MICU2: variants seen among roughly 807,000 people sequenced by gnomAD.
MICU2 encodes the protein mitochondrial calcium uptake 2.
In MICU2, 64 loss-of-function variants were observed where a neutral mutation model predicts 60.4. The ratio of observed to expected loss-of-function variants is 1.06; its 90% CI spans 0.87 to 1.31. The LOEUF is 1.31. MICU2 is among the 50% of genes most tolerant of loss of function. The probability of loss-of-function intolerance (pLI) is 0.00; values close to 1 mark genes in which losing one functional copy is unlikely to be tolerated. For synonymous variants in MICU2, 201 were observed against 175.0 expected (o/e 1.15, Z -1.17); for missense variants, 569 against 531.0 (o/e 1.07, Z -0.70).
intron 1 of MICU2, 86 bp downstream of exon 1, chr13:21,603,853 C>G (rs1401729576): frequency 2.1e-6 from 3 of 1,448,364 alleles, no homozygotes; most frequent in East Asian, 2.5e-5. Context: ...CCGGGAGAGC[C>G]GCCCAGAGCC....
intron 2 of MICU2, chr13:21,551,429 T>A (rs1416793589): frequency 2.0e-5 from 3 of 152,176 alleles, no homozygotes; most frequent in Non-Finnish European, 4.4e-5. Flanking sequence ...CTTTTTAAAA[T>A]TATTTTATTT....
At chr13:21,510,826 A>C (rs867303809) in intron 7 of MICU2, among the ~76,000 whole-genome samples, 14 of 146,726 alleles carry the variant, frequency 9.5e-5, no homozygotes, top group African/African-American at 3.8e-4. Flanking sequence ...GAATTCATTT[A>C]ATTCATTCAT....
intron 1 of MICU2, chr13:21,602,749 C>T (rs1342950426): frequency 6.6e-6 from 1 of 152,056 alleles, no homozygotes; most frequent in African/African-American, 2.4e-5. Flanking sequence ...CTCACAAGGC[C>T]TTCTTTCCTC....
At chr13:21,518,742 C>G (rs1685709803) in intron 6 of MICU2, among the ~76,000 whole-genome samples, 1 of 152,206 alleles carries the variant, frequency 6.6e-6, no homozygotes, top group Non-Finnish European at 1.5e-5. Context: ...TTTCTTGTCC[C>G]TGAGGTAAAG....
chr13:21,521,921 G>C (rs1307322215), intron 5 of MICU2, among the ~76,000 whole-genome samples: 2 of 152,116 alleles, frequency 1.3e-5, no homozygotes, highest in Non-Finnish European at 2.9e-5. Flanking sequence ...GCGACTACAG[G>C]TGTGCACCAC....
intron 2 of MICU2, among the ~76,000 whole-genome samples, chr13:21,546,788 T>G (rs1324215261): frequency 6.6e-6 from 1 of 152,130 alleles, no homozygotes; most frequent in Non-Finnish European, 1.5e-5. Context: ...GCATGATACA[T>G]CTGAGATTGC....
intron 1 of MICU2, among the ~76,000 whole-genome samples, chr13:21,601,090 C>A (rs1405023236): frequency 6.6e-6 from 1 of 152,120 alleles, no homozygotes; most frequent in African/African-American, 2.4e-5. Context: ...GCCACCAGGC[C>A]CGGCCGGACA....
intron 5 of MICU2, 108 bp downstream of exon 5, chr13:21,522,495 T>C (rs2138167286): frequency 3.8e-6 from 3 of 789,402 alleles, no homozygotes; most frequent in South Asian, 3.8e-5. Flanking sequence ...AACTAAGGCA[T>C]CAATAATGTT....
At chr13:21,599,068 C>G (rs1272597064) in intron 1 of MICU2, among the ~76,000 whole-genome samples, 1 of 152,198 alleles carries the variant, frequency 6.6e-6, no homozygotes, top group Admixed American at 6.5e-5. Context: ...CTATGAGAAT[C>G]TAACTAATGC....
intron 9 of MICU2, among the ~76,000 whole-genome samples, chr13:21,497,953 C>G (rs2138129632): frequency 6.6e-6 from 1 of 152,188 alleles, no homozygotes; most frequent in Middle Eastern, 3.4e-3. Context: ...CGAGATCTCG[C>G]TATGTTTCTC....
At chr13:21,539,636 C>T in intron 3 of MICU2, 21 bp downstream of exon 3, 4 of 1,613,948 alleles carry the variant, frequency 2.5e-6, no homozygotes, top group Non-Finnish European at 3.4e-6. Flanking sequence ...CAAACCCTGC[C>T]CCCCACAACA....
At chr13:21,570,169 T>C (rs1488933337) in intron 1 of MICU2, among the ~76,000 whole-genome samples, 2 of 152,208 alleles carry the variant, frequency 1.3e-5, no homozygotes, top group Non-Finnish European at 2.9e-5. Context: ...GCACTGAATG[T>C]GTTTCTTTGC....
intron 1 of MICU2, among the ~76,000 whole-genome samples, chr13:21,571,211 T>C (rs1392576801): frequency 1.3e-5 from 2 of 152,188 alleles, no homozygotes; most frequent in Non-Finnish European, 2.9e-5. Context: ...CGTGGTAGGT[T>C]AGGCTTGGTA....
chr13:21,510,522 T>C (rs1886400555), intron 7 of MICU2, among the ~76,000 whole-genome samples: 2 of 152,262 alleles, frequency 1.3e-5, no homozygotes, highest in South Asian at 4.1e-4. Context: ...CTTTTCCTAA[T>C]TATAAAATCA....
At chr13:21,552,444 T>C (rs1438064979) in intron 2 of MICU2, among the ~76,000 whole-genome samples, 3 of 152,236 alleles carry the variant, frequency 2.0e-5, no homozygotes, top group Admixed American at 6.5e-5. Flanking sequence ...TTAGATCCCA[T>C]TTGTCAATTT....
intron 2 of MICU2, among the ~76,000 whole-genome samples, chr13:21,544,516 G>GAAAAAAAAAAA (rs10628955): frequency 6.5e-5 from 5 of 77,354 alleles, no homozygotes; most frequent in African/African-American, 1.5e-4. Flanking sequence ...ATAAACACAT[G>GAAAAAAAAAAA]AAAAAAAAAA....
chr13:21,593,692 C>A (rs1351026453), intron 1 of MICU2, among the ~76,000 whole-genome samples: 1 of 151,538 alleles, frequency 6.6e-6, no homozygotes, highest in Non-Finnish European at 1.5e-5. Context: ...ACATATAGAC[C>A]AATGGAGCAG....
intron 2 of MICU2, among the ~76,000 whole-genome samples, chr13:21,545,684 A>AG (rs1454095012): frequency 6.6e-6 from 1 of 151,800 alleles, no homozygotes; most frequent in Non-Finnish European, 1.5e-5. Context: ...AAAAAAAAAA[A>AG]GGGTTGATAT....
chr13:21,603,816 T>G (rs1281241246), intron 1 of MICU2, 123 bp downstream of exon 1: 17 of 1,112,532 alleles, frequency 1.5e-5, no homozygotes, highest in Non-Finnish European at 2.0e-5. Flanking sequence ...GGCGCTCCGA[T>G]CCGCAGCGGC....
Sources: gnomAD v4.1 joint callset for allele counts (sites outside exome capture counted in the v4.1 genomes callset) on GRCh38, gnomAD v4.1.1 for gene constraint, MANE v1.5 for transcripts, NCBI Gene and HGNC (gene_info 2026-07-23, HGNC 2026-07-21) for gene names.